The following LMNB2 variants were observed in gnomAD, a reference collection of about 807,000 sequenced individuals.
LMNB2 encodes the protein lamin-B2.
LMNB2 carries 17 observed loss-of-function variants against 69.3 expected under a neutral mutation model. The observed-to-expected ratio is 0.25, with a 90% CI of 0.17 to 0.37. The LOEUF (loss-of-function observed/expected upper bound fraction) is 0.37, where lower values mean the gene tolerates loss of function less well. LMNB2 is among the 10% of genes least tolerant of loss of function. The pLI is 1.00. For missense variants in LMNB2, 789 were observed against 883.6 expected, an observed-to-expected ratio of 0.89 and a Z score of 1.36; for synonymous variants, 397 against 389.3, an observed-to-expected ratio of 1.02 and a Z score of -0.23.
rs1972050618 is a variant in LMNB2 at position 2,453,334 on chromosome 19, C to T, written c.264+3336G>A. On this transcript the variant is annotated intron_variant, in intron 1 of 11. Transcript: ENST00000325327. The surrounding 1 kb of genome is among the most constrained non-coding windows in gnomAD (Gnocchi z 4.4). The stretch of plus-strand genomic sequence containing the variant: ...CCCTCCTCGTTCAGAGCTCCCTCCC[C>T]TGCCCCCATCCTGCCAGCCTGAGCC... 6.6e-6 allele frequency among the ~76,000 whole-genome samples: 1 copy of T among 152,110 alleles called. No individual in the cohort carries two copies.
intron 2 of LMNB2, among the ~76,000 whole-genome samples, chr19:2,440,145 T>G (rs139433335): frequency 0.024 from 3,675 of 152,076 alleles, 70 homozygotes; most frequent in Middle Eastern, 0.058. Context: ...ACTGTATTTA[T>G]CTATATAATC....
At position 2,429,314 on chromosome 19, in the gene LMNB2, CTA is replaced by C. The variant is rs1228935065; in HGVS notation, c.*1595_*1596del. On this transcript the variant is annotated 3_prime_UTR_variant, in exon 12 of 12. Coordinates refer to ENST00000325327, the MANE Select transcript of LMNB2 (RefSeq NM_032737.4). ...GTATCCCCGGGGCAGGCAAAGCTCC[CTA>C]CCAGCCGCCTGACTGGGAGCACAGC... The C allele has an allele frequency of 6.6e-6, 1 of 152,258 alleles. No homozygotes were observed. The highest frequency in any genetic ancestry group is 6.5e-5 in the Admixed American group (1 of 15,290). 9.4% of individuals were successfully genotyped at this position (152,258 alleles called of 1,614,324 possible). A position where few individuals can be genotyped will look rare whatever the true frequency, so the allele number is the denominator to read the frequency against.
chr19:2,429,075 T>G lies in LMNB2; in HGVS notation c.*1836A>C, dbSNP rs1214997039. 6.6e-6 allele frequency: 1 copy of G among 152,122 alleles called. No individual in the cohort carries two copies. The highest frequency in any genetic ancestry group is 1.5e-5 in the Non-Finnish European group (1 of 68,044). 9.4% of individuals were successfully genotyped at this position (152,122 alleles called of 1,614,324 possible). On this transcript the variant is annotated 3_prime_UTR_variant, in exon 12 of 12. Transcript: ENST00000325327. ...GGCTGTCGGCAAATCACAGACCAAC[T>G]CCAGGATACAGCTTTGCTCCTCCAG...
intron 1 of LMNB2, among the ~76,000 whole-genome samples, chr19:2,446,366 C>T (rs966320059): frequency 6.6e-6 from 1 of 151,922 alleles, no homozygotes; most frequent in East Asian, 2.0e-4. Context: ...CTAAGCCCCG[C>T]GCAAAGCCCC....
In LMNB2 at chr19:2,456,650, C is replaced by A; in HGVS notation, c.264+20G>T. 2 of 1,489,206 alleles carry A rather than the reference C, an allele frequency of 1.3e-6. No homozygotes were observed. Among genetic ancestry groups the A allele is most frequent in the Non-Finnish European group, 1.8e-6 (2 of 1,116,620 alleles). The allele number at this position is 1,489,206 out of a possible 1,614,324, so 92.2% of individuals were successfully genotyped here. A position where few individuals can be genotyped will look rare whatever the true frequency, so the allele number is the denominator to read the frequency against. On this transcript the variant is annotated intron_variant, in intron 1 of 11. Transcript: ENST00000325327. ...CCTGCCGGCTGCACCCCCGCCCGGC[C>A]CCTAAGCCCCGGCGCCCACCTCGCG...
rs149234618 is a variant in LMNB2 at position 2,453,700 on chromosome 19, G to A, written c.264+2970C>T. On this transcript the variant is annotated intron_variant, in intron 1 of 11. Coordinates refer to ENST00000325327, the MANE Select transcript of LMNB2 (RefSeq NM_032737.4). This position sits in a 1 kb window ranked among gnomAD's most constrained non-coding sequence, Gnocchi z 4.4. Reference sequence around the variant, plus strand: ...TTGTAAAGGATGCTGCTGCGGCCCCGAGAGGTGGCTGGGCCAGGCTCCCTC... The same window carrying A: ...TTGTAAAGGATGCTGCTGCGGCCCCAAGAGGTGGCTGGGCCAGGCTCCCTC... Among the ~76,000 whole-genome samples, 162 of 152,280 alleles carry A rather than the reference G, an allele frequency of 1.1e-3. No homozygotes were observed. The highest frequency in any genetic ancestry group is 3.4e-3 in the Middle Eastern group (1 of 294).
chr19:2,445,567 C>G (rs1971945978), intron 1 of LMNB2, among the ~76,000 whole-genome samples: 1 of 136,954 alleles, frequency 7.3e-6, no homozygotes, highest in Non-Finnish European at 1.6e-5. Flanking sequence ...TCACAGGGAT[C>G]TGTAGTCAGA....
chr19:2,431,816 G>A lies in LMNB2; in HGVS notation c.1677C>T (p.Ser559=), dbSNP rs369838129. 6.2e-7 allele frequency: 1 copy of A among 1,613,732 alleles called. No individual in the cohort carries two copies. Among genetic ancestry groups the A allele is most frequent in the Non-Finnish European group, 8.5e-7 (1 of 1,179,920 alleles). ...KGQSSWGTGE[S]FRTVLVNADG... ...CCGCGTTAACCAGGACGGTGCGGAA[G>A]CTCTCGCCCGTGCCCCAGCTGCTCT... Residue 559 remains serine (S), a synonymous_variant, in exon 10 of 12, where the codon AGC becomes AGT. Transcript: ENST00000325327.
intron 10 of LMNB2, 52 bp downstream of exon 10, chr19:2,431,731 C>T: frequency 6.2e-7 from 1 of 1,613,638 alleles, no homozygotes; most frequent in East Asian, 2.2e-5. Flanking sequence ...CGAGGGTGCC[C>T]AGACCCTGCC....
intron 11 of LMNB2, 34 bp downstream of exon 11, chr19:2,431,514 G>A (rs554410883): frequency 5.0e-6 from 8 of 1,613,376 alleles, no homozygotes; most frequent in East Asian, 2.2e-5. Context: ...CCCAGAGGCT[G>A]CCCCCCAGCC....
chr19:2,435,139 C>A lies in LMNB2; in HGVS notation c.717G>T (p.Arg239=). The change falls in exon 5 of 12, where the codon CGG becomes CGT. Residue 239 remains arginine, a synonymous_variant. Transcript: ENST00000325327. The stretch of plus-strand genomic sequence containing the variant: ...GGCTGCTGTCCACCTCCACCAGGCG[C>A]CGCTCGTGCCGCCGCCGCGTCTCCC... ...EVRETRRRHE[R]RLVEVDSSRQ... The A allele has an allele frequency of 6.2e-7, 1 of 1,605,224 alleles. No individual in the cohort carries two copies. Among genetic ancestry groups the A allele is most frequent in the Non-Finnish European group, 8.5e-7 (1 of 1,179,602 alleles).
chr19:2,442,691 G>A (rs971922427), intron 2 of LMNB2, among the ~76,000 whole-genome samples: 4 of 152,142 alleles, frequency 2.6e-5, no homozygotes, highest in African/African-American at 4.8e-5. Context: ...AGGCTGCAGC[G>A]AGCTATGATT....
chr19:2,438,128 G>T, intron 4 of LMNB2, 35 bp downstream of exon 4: 1 of 1,612,132 alleles, frequency 6.2e-7, no homozygotes, highest in East Asian at 2.2e-5. Flanking sequence ...TTGCGTTTCC[G>T]CTGTGCCAGG....
chr19:2,452,750 G>A (rs1056237317), intron 1 of LMNB2, among the ~76,000 whole-genome samples: 5 of 152,144 alleles, frequency 3.3e-5, no homozygotes, highest in Admixed American at 3.3e-4. Context: ...AAAGGCGTGT[G>A]TGAGGACCTC....
Position 2,434,498 on chromosome 19 carries a change from A to C in LMNB2, c.999T>G (p.Asp333Glu), listed in dbSNP as rs201032266. 2.0e-4 allele frequency: 320 copies of C among 1,612,676 alleles called. No individual in the cohort carries two copies. Among genetic ancestry groups the C allele is most frequent in the Non-Finnish European group, 2.4e-4 (283 of 1,179,908 alleles). The change falls in exon 7 of 12, where the codon GAT becomes GAG. Residue 333 changes from aspartate (D) to glutamate (E), a missense_variant. Around this residue, in one of 3 missense-constraint regions of LMNB2, gnomAD observed 609 missense variants for 630.9 expected, o/e 0.97. Transcript: ENST00000325327. Reference sequence around the variant, plus strand: ...TGGCCTCCTCCAGCTCCCGAATGCGATCTTCAGCGGCACTGGCCTGCGGAG... The same window carrying C: ...TGGCCTCCTCCAGCTCCCGAATGCGCTCTTCAGCGGCACTGGCCTGCGGAG... Reference protein sequence around the residue: ...GLQKQASAAEDRIRELEEAMA... With the variant: ...GLQKQASAAEERIRELEEAMA...
intron 9 of LMNB2, 97 bp downstream of exon 9, chr19:2,432,319 T>TCCCCC: frequency 2.2e-6 from 2 of 894,716 alleles, no homozygotes; most frequent in Admixed American, 1.9e-5. Context: ...GCCACCATCA[T>TCCCCC]CCCCACCCAC....
intron 1 of LMNB2, 62 bp from the exon 2 acceptor site, chr19:2,444,602 G>A: frequency 6.3e-7 from 1 of 1,591,594 alleles, no homozygotes; most frequent in African/African-American, 1.3e-5. Flanking sequence ...ACAGCAGTCA[G>A]GGGGCCCGGC....
intron 2 of LMNB2, 81 bp downstream of exon 2, chr19:2,444,323 A>G: frequency 6.5e-7 from 1 of 1,546,706 alleles, no homozygotes. Flanking sequence ...CATGCCCCGC[A>G]CGAGCCCAGC....
At position 2,429,551 on chromosome 19, in the gene LMNB2, T is replaced by C. The variant is rs1971707789; in HGVS notation, c.*1360A>G. ...AGGTCCCCAGGGAGGCGGGATGCAG[T>C]CACAGGGGAGCGGTGCCGCCCCCGC... On this transcript the variant is annotated 3_prime_UTR_variant, in exon 12 of 12. Transcript: ENST00000325327. The C allele has an allele frequency of 1.3e-5, 2 of 152,232 alleles. No homozygotes were observed. Among genetic ancestry groups the C allele is most frequent in the South Asian group, 4.1e-4 (2 of 4,834 alleles). The allele number at this position is 152,232 out of a possible 1,614,324, so 9.4% of individuals were successfully genotyped here. A position where few individuals can be genotyped will look rare whatever the true frequency, so the allele number is the denominator to read the frequency against.
Sources: gnomAD v4.1 joint callset for allele counts (sites outside exome capture counted in the v4.1 genomes callset) on GRCh38, gnomAD v4.1.1 for gene constraint, gnomAD v4.1.1 regional missense constraint, Gnocchi (gnomAD v3.1) non-coding constraint, MANE v1.5 for transcripts, NCBI Gene and HGNC (gene_info 2026-07-23, HGNC 2026-07-21) for gene names.